SLFN12L: variants seen among roughly 807,000 people sequenced by gnomAD.
SLFN12L encodes schlafen family member 12 like.
In SLFN12L, 34 loss-of-function variants were observed where a neutral mutation model predicts 34.8. The observed-to-expected ratio is 0.98, with a 90% CI of 0.74 to 1.30. The LOEUF (loss-of-function observed/expected upper bound fraction) is 1.30, where lower values mean the gene tolerates loss of function less well. Among genes scored for constraint, SLFN12L ranks in the 50% most tolerant of loss-of-function variants. The pLI is 0.00. For synonymous variants in SLFN12L, 259 were observed against 247.5 expected (o/e 1.05, Z -0.44); for missense variants, 703 against 696.2 (o/e 1.01, Z -0.11).
At position 35,530,345 on chromosome 17, in the gene SLFN12L, GA is replaced by G. The variant is rs1212528796; in HGVS notation, c.-606+7227del. ...CTGGTGACAGAGTGAGACTCTGTCAGAAAAAAAAAGAGAAAGAAAGGAAGGA... is the reference window on the plus strand; with the variant it reads ...CTGGTGACAGAGTGAGACTCTGTCAGAAAAAAAAGAGAAAGAAAGGAAGGA... On this transcript the variant is annotated intron_variant, in intron 1 of 4. Transcript: ENST00000628453. Among the ~76,000 whole-genome samples, 264 of 123,500 alleles carry G rather than the reference GA, an allele frequency of 2.1e-3. 3 individuals are homozygous for G. Among genetic ancestry groups the G allele is most frequent in the Middle Eastern group, 0.012 (3 of 258 alleles). 81.0% of individuals were successfully genotyped at this position (123,500 alleles called of 152,430 possible).
intron 1 of SLFN12L, among the ~76,000 whole-genome samples, chr17:35,529,710 G>A (rs996590096): frequency 6.6e-5 from 10 of 152,022 alleles, no homozygotes; most frequent in Non-Finnish European, 1.3e-4. Flanking sequence ...GGGGGGCTAG[G>A]GGAGGGACAA....
In SLFN12L at chr17:35,527,618, T is replaced by C. The variant is rs577340676; in HGVS notation, c.-605-4649A>G. ...GACAAAAGCCACATGATTATCTCAA[T>C]AGATGCAGAAAAGGCCTTCAACAAA... On this transcript the variant is annotated intron_variant, in intron 1 of 4. Coordinates refer to ENST00000628453, the MANE Select transcript of SLFN12L (RefSeq NM_001363830.2). Among the ~76,000 whole-genome samples the C allele has an allele frequency of 3.9e-5, 6 of 152,206 alleles. No individual in the cohort carries two copies. In the East Asian group the frequency reaches 9.6e-4, roughly 24 times the overall value.
At chr17:35,520,126 A>G (rs1439241212) in intron 2 of SLFN12L, among the ~76,000 whole-genome samples, 1 of 152,366 alleles carries the variant, frequency 6.6e-6, no homozygotes, top group South Asian at 2.1e-4. Flanking sequence ...AATAGCCACA[A>G]GCTTTTTCTT....
At chr17:35,535,645 C>G (rs909796232) in intron 1 of SLFN12L, among the ~76,000 whole-genome samples, 5 of 151,960 alleles carry the variant, frequency 3.3e-5, no homozygotes, top group African/African-American at 9.7e-5. Flanking sequence ...CGCCACCATG[C>G]CTGGCTAGCT....
chr17:35,474,707 C>A lies in SLFN12L; in HGVS notation c.*216G>T. ...GAGACCGGGGGGGGGGGTTGAATCA[C>A]GAGGTCAGGAGTTCAAGACCAGCCT... On this transcript the variant is annotated 3_prime_UTR_variant, in exon 5 of 5. Transcript: ENST00000628453. The A allele has an allele frequency of 8.2e-6, 3 of 364,510 alleles. No individual in the cohort carries two copies. The highest frequency in any genetic ancestry group is 4.6e-5 in the Admixed American group (1 of 21,516). 22.6% of individuals were successfully genotyped at this position (364,510 alleles called of 1,614,324 possible).
Position 35,489,865 on chromosome 17 carries a change from A to G in SLFN12L, c.87-9670T>C, listed in dbSNP as rs1386041737. Reference sequence around the variant, plus strand: ...GCAGAAAACTGTCATCTACTTCCGGAGAGGAACACCAACCTTGTGGAATAT... The same window carrying G: ...GCAGAAAACTGTCATCTACTTCCGGGGAGGAACACCAACCTTGTGGAATAT... On this transcript the variant is annotated intron_variant, in intron 2 of 4. Coordinates refer to ENST00000628453, the MANE Select transcript of SLFN12L (RefSeq NM_001363830.2). The G allele has an allele frequency of 1.1e-5, 8 of 721,706 alleles. No homozygotes were observed. The African/African-American group carries it at 1.3e-4, about 11-fold the overall frequency. 44.7% of individuals were successfully genotyped at this position (721,706 alleles called of 1,614,324 possible).
rs1254457561 is a variant in SLFN12L, at chr17:35,490,875, A to G, written c.87-10680T>C. On this transcript the variant is annotated intron_variant, in intron 2 of 4. Coordinates refer to ENST00000628453, the MANE Select transcript of SLFN12L (RefSeq NM_001363830.2). Reference sequence around the variant, plus strand: ...GGCACATTGAGGTTTACTTATGTCCAGAAGAGACTGAAACACAGTCCAATG... The same window carrying G: ...GGCACATTGAGGTTTACTTATGTCCGGAAGAGACTGAAACACAGTCCAATG... 4 of 879,566 alleles carry G rather than the reference A, an allele frequency of 4.5e-6. No individual in the cohort carries two copies. In the African/African-American group the frequency reaches 6.6e-5, roughly 14 times the overall value. The allele number at this position is 879,566 out of a possible 1,614,324, so 54.5% of individuals were successfully genotyped here. A position where few individuals can be genotyped will look rare whatever the true frequency, so the allele number is the denominator to read the frequency against.
At chr17:35,527,661 G>A (rs543532754) in intron 1 of SLFN12L, among the ~76,000 whole-genome samples, 1 of 152,154 alleles carries the variant, frequency 6.6e-6, no homozygotes, top group East Asian at 1.9e-4. Context: ...ACCCCTCCAT[G>A]CTAAAAATTC....
intron 2 of SLFN12L, chr17:35,498,347 C>G: frequency 1.0e-6 from 1 of 985,858 alleles, no homozygotes; most frequent in Non-Finnish European, 1.6e-6. Context: ...AGTTGGCGGC[C>G]AATCTCACGG....
chr17:35,502,369 G>A (rs1915323157), intron 2 of SLFN12L, among the ~76,000 whole-genome samples: 1 of 131,332 alleles, frequency 7.6e-6, no homozygotes, highest in Non-Finnish European at 1.5e-5. Context: ...AACTTTTAGA[G>A]GAAACCTCAT....
At chr17:35,482,630 C>T (rs758832514) in intron 2 of SLFN12L, among the ~76,000 whole-genome samples, 32 of 152,220 alleles carry the variant, frequency 2.1e-4, no homozygotes, top group Non-Finnish European at 4.3e-4. Context: ...CCCCTGCCCT[C>T]GCAGGCTCAG....
chr17:35,476,094 A>G (rs1280778336), intron 4 of SLFN12L, among the ~76,000 whole-genome samples: 2 of 152,060 alleles, frequency 1.3e-5, no homozygotes, highest in Non-Finnish European at 2.9e-5. Context: ...GATTTTCCAT[A>G]TCACAGCATG....
chr17:35,498,338 G>A, intron 2 of SLFN12L: 1 of 936,272 alleles, frequency 1.1e-6, no homozygotes, highest in Non-Finnish European at 1.8e-6. Flanking sequence ...CTGCTGAAGA[G>A]TTGGCGGCCA....
rs1913746540 is a variant in SLFN12L at position 35,468,234 on chromosome 17, G to A, written c.*6689C>T. Among the ~76,000 whole-genome samples the A allele has an allele frequency of 1.3e-5, 2 of 152,110 alleles. No individual in the cohort carries two copies. The highest frequency in any genetic ancestry group is 4.1e-4 in the South Asian group (2 of 4,832). On this transcript the variant is annotated 3_prime_UTR_variant, in exon 5 of 5. Coordinates refer to ENST00000628453, the MANE Select transcript of SLFN12L (RefSeq NM_001363830.2). ...CCTGCTGATCTTACTGCTGGTATGG[G>A]TGCTTTTGTTGTTTTATCATCTGGA...
chr17:35,484,449 G>A (rs186839849), intron 2 of SLFN12L, among the ~76,000 whole-genome samples: 41 of 152,312 alleles, frequency 2.7e-4, no homozygotes, highest in African/African-American at 8.9e-4. Flanking sequence ...TTCAAAGCAC[G>A]TTCCATGTTC....
In SLFN12L at chr17:35,491,082, TG is replaced by T; in HGVS notation, c.87-10888del. 3.8e-6 allele frequency: 3 copies of T among 779,488 alleles called. No individual in the cohort carries two copies. In the South Asian group the frequency reaches 4.1e-5, roughly 11 times the overall value. The allele number at this position is 779,488 out of a possible 1,614,324, so 48.3% of individuals were successfully genotyped here. ...TCTAATCCTCTAGTATGACCATTTG[TG>T]AACTTACTGCCTCCCCTGCTGCAAG... On this transcript the variant is annotated intron_variant, in intron 2 of 4. Coordinates refer to ENST00000628453, the MANE Select transcript of SLFN12L (RefSeq NM_001363830.2).
chr17:35,515,305 A>G (rs947662718), intron 2 of SLFN12L: 1 of 376,968 alleles, frequency 2.7e-6, no homozygotes, highest in African/African-American at 2.1e-5. Context: ...GGCACTTGGA[A>G]AGCAAGATCC....
intron 2 of SLFN12L, among the ~76,000 whole-genome samples, chr17:35,492,270 C>T (rs1187153412): frequency 6.6e-6 from 1 of 152,144 alleles, no homozygotes; most frequent in Non-Finnish European, 1.5e-5. Context: ...GAGCTTGGAG[C>T]GAGTCAGTCC....
chr17:35,502,416 GAAAAAAAAAAAAAAAA>G (rs1161388791), intron 2 of SLFN12L, among the ~76,000 whole-genome samples: 324 of 25,264 alleles, frequency 0.013, 8 homozygotes, highest in Non-Finnish European at 0.014. Flanking sequence ...GTATCCTAAG[GAAAAAAAAAAAAAAAA>G]AAAAAAAAAA....
Sources: allele counts gnomAD v4.1 joint callset (sites outside exome capture counted in the v4.1 genomes callset), GRCh38; gene constraint gnomAD v4.1.1; transcripts MANE v1.5; gene names NCBI Gene and HGNC (gene_info 2026-07-23, HGNC 2026-07-21).